Variants in MOB3B observed in about 807,000 individuals in gnomAD.
MOB3B encodes MOB kinase activator 3B.
Under a neutral mutation model 18.7 loss-of-function variants are expected in MOB3B, and 7 were observed. The ratio of observed to expected loss-of-function variants is 0.37; its 90% confidence interval spans 0.21 to 0.70. MOB3B has a LOEUF of 0.70. Among genes scored for constraint, MOB3B ranks in the 30% least tolerant of loss-of-function variants. The pLI, the probability that MOB3B is intolerant of heterozygous loss-of-function variation, is 0.52. For missense variants in MOB3B, 253 were observed against 281.3 expected (o/e 0.90, Z 0.72); for synonymous variants, 111 against 99.9 (o/e 1.11, Z -0.66).
At chr9:27,343,478 TAAAA>T (rs779124158) in intron 3 of MOB3B, among the ~76,000 whole-genome samples, 3 of 84,326 alleles carry the variant, frequency 3.6e-5, no homozygotes, top group Middle Eastern at 5.5e-3. Flanking sequence ...CAATAAATAC[TAAAA>T]AAAAAAAAAA....
At chr9:27,381,377 C>T (rs534950243) in intron 2 of MOB3B, among the ~76,000 whole-genome samples, 40 of 152,164 alleles carry the variant, frequency 2.6e-4, no homozygotes, top group African/African-American at 8.7e-4. Context: ...AGACTTAACA[C>T]ATCTTCCCTG....
intron 1 of MOB3B, among the ~76,000 whole-genome samples, chr9:27,487,433 A>G (rs1819746118): frequency 6.6e-6 from 1 of 152,058 alleles, no homozygotes. Flanking sequence ...TCCTTATAAA[A>G]TTGGGGTTTT....
intron 1 of MOB3B, among the ~76,000 whole-genome samples, chr9:27,517,744 T>C (rs1820259959): frequency 1.3e-5 from 2 of 149,328 alleles, no homozygotes; most frequent in East Asian, 4.0e-4. Context: ...AATACTGAAA[T>C]GCATATCTGT....
chr9:27,485,269 T>A (rs1819716595), intron 1 of MOB3B, among the ~76,000 whole-genome samples: 1 of 152,212 alleles, frequency 6.6e-6, no homozygotes, highest in South Asian at 2.1e-4. Flanking sequence ...TTAAGTAACT[T>A]ACCCAACAAC....
At chr9:27,378,375 C>T (rs1238366296) in intron 2 of MOB3B, 3 of 471,732 alleles carry the variant, frequency 6.4e-6, no homozygotes, top group Non-Finnish European at 1.3e-5. Context: ...CTCCAGCAGG[C>T]TCTGATGTCA....
At chr9:27,521,866 A>G (rs774350) in intron 1 of MOB3B, among the ~76,000 whole-genome samples, 142,469 of 152,272 alleles carry the variant, frequency 0.94, 67,215 homozygotes, top group East Asian at 1. Flanking sequence ...AACAAATAAA[A>G]TAGTATTGAT....
chr9:27,424,254 A>G (rs1450704779), intron 2 of MOB3B, among the ~76,000 whole-genome samples: 1 of 152,256 alleles, frequency 6.6e-6, no homozygotes, highest in Non-Finnish European at 1.5e-5. Flanking sequence ...AAGACTACAG[A>G]CAATGAACTT....
At chr9:27,382,561 T>C (rs1191853835) in intron 2 of MOB3B, among the ~76,000 whole-genome samples, 1 of 152,142 alleles carries the variant, frequency 6.6e-6, no homozygotes, top group African/African-American at 2.4e-5. Context: ...TCCTTCACCA[T>C]GATTCAGACA....
intron 2 of MOB3B, among the ~76,000 whole-genome samples, chr9:27,450,659 AAAT>A (rs1822769542): frequency 6.6e-6 from 1 of 152,196 alleles, no homozygotes; most frequent in Admixed American, 6.5e-5. Flanking sequence ...GGAATCTGTG[AAAT>A]AATAATACAT....
At chr9:27,432,752 A>G (rs1188408476) in intron 2 of MOB3B, among the ~76,000 whole-genome samples, 1 of 152,212 alleles carries the variant, frequency 6.6e-6, no homozygotes, top group African/African-American at 2.4e-5. Context: ...ATTCTGGGCT[A>G]TGCATTTTAA....
At chr9:27,455,093 T>C in intron 2 of MOB3B, 40 bp downstream of exon 2, 1 of 1,611,156 alleles carries the variant, frequency 6.2e-7, no homozygotes, top group Non-Finnish European at 8.5e-7. Flanking sequence ...GTGAAGATTG[T>C]GCAGGTGACA....
At chr9:27,528,876 G>T (rs972908027) in intron 1 of MOB3B, among the ~76,000 whole-genome samples, 17 of 152,032 alleles carry the variant, frequency 1.1e-4, no homozygotes, top group African/African-American at 3.9e-4. Flanking sequence ...GTGGGAAGGG[G>T]CAATCAAAGA....
chr9:27,523,956 G>T (rs1385279874), intron 1 of MOB3B, among the ~76,000 whole-genome samples: 1 of 151,998 alleles, frequency 6.6e-6, no homozygotes, highest in East Asian at 1.9e-4. Context: ...ATTTGGGTGA[G>T]TGAGTGAGTG....
intron 2 of MOB3B, among the ~76,000 whole-genome samples, chr9:27,404,347 C>CTTTTTTTTTTTTTTTTTTTTTT (rs756275032): frequency 1.3e-5 from 1 of 75,174 alleles, no homozygotes; most frequent in African/African-American, 5.7e-5. Context: ...TTCTTTCTTT[C>CTTTTTTTTTTTTTTTTTTTTTT]TTTTTTTTTT....
intron 1 of MOB3B, among the ~76,000 whole-genome samples, chr9:27,467,926 A>G (rs1819411122): frequency 1.3e-5 from 2 of 152,220 alleles, no homozygotes. Context: ...TGTTACTATC[A>G]ACTTCTTTGA....
chr9:27,364,923 A>G lies in MOB3B; in HGVS notation c.419-5687T>C, dbSNP rs139258690. 1.8e-4 allele frequency among the ~76,000 whole-genome samples: 27 copies of G among 152,322 alleles called. No individual in the cohort carries two copies. In the East Asian group the frequency reaches 5.2e-3, roughly 29 times the overall value. On this transcript the variant is annotated intron_variant, in intron 2 of 3. Coordinates refer to ENST00000262244, the MANE Select transcript of MOB3B (RefSeq NM_024761.5). The stretch of plus-strand genomic sequence containing the variant: ...TTGCAAAAAACTTACAGTGGCAGGT[A>G]CTAAATAAGCCCTGGAGTATAATCT...
chr9:27,357,931 C>G (rs1443089171), intron 3 of MOB3B, among the ~76,000 whole-genome samples: 2 of 97,572 alleles, frequency 2.0e-5, no homozygotes, highest in African/African-American at 3.4e-5. Flanking sequence ...ATAGCCATGC[C>G]AGGCTATAGT....
chr9:27,509,751 G>A (rs1820114361), intron 1 of MOB3B, among the ~76,000 whole-genome samples: 1 of 151,732 alleles, frequency 6.6e-6, no homozygotes, highest in Non-Finnish European at 1.5e-5. Context: ...TTTGAGAGGA[G>A]TCTCACTCTG....
chr9:27,506,184 C>T (rs1475678519), intron 1 of MOB3B, among the ~76,000 whole-genome samples: 2 of 152,224 alleles, frequency 1.3e-5, no homozygotes, highest in African/African-American at 2.4e-5. Flanking sequence ...GGAGGAACCA[C>T]AGAATCTCAA....
Sources: gnomAD v4.1 joint callset for allele counts (sites outside exome capture counted in the v4.1 genomes callset) on GRCh38, gnomAD v4.1.1 for gene constraint, MANE v1.5 for transcripts, NCBI Gene and HGNC (gene_info 2026-07-23, HGNC 2026-07-21) for gene names.